The following CLASP2 variants were observed in gnomAD, a reference collection of about 807,000 sequenced individuals.
CLASP2 encodes the protein cytoplasmic linker associated protein 2, also known as CLIP-associating protein 2.
CLASP2 carries 47 observed loss-of-function variants against 194.4 expected under a neutral mutation model. That is an observed-to-expected ratio of 0.24 (90% confidence interval 0.19 to 0.31). CLASP2 has a LOEUF of 0.31. Among genes scored for constraint, CLASP2 ranks in the 10% least tolerant of loss-of-function variants. CLASP2 has a pLI of 1.00. For synonymous variants in CLASP2, 619 were observed against 633.5 expected, an observed-to-expected ratio of 0.98 and a Z score of 0.34; for missense variants, 1,445 against 1,823.6, an observed-to-expected ratio of 0.79 and a Z score of 3.78.
intron 36 of CLASP2, among the ~76,000 whole-genome samples, chr3:33,515,544 G>A (rs1483364926): frequency 2.0e-5 from 3 of 152,162 alleles, no homozygotes; most frequent in African/African-American, 7.2e-5. Context: ...CAGCTACTCG[G>A]GAAGCTGAGG....
chr3:33,607,429 T>C lies in CLASP2; in HGVS notation c.1481A>G (p.Lys494Arg). The C allele has an allele frequency of 1.2e-6, 2 of 1,610,444 alleles. No individual in the cohort carries two copies. The highest frequency in any genetic ancestry group is 1.7e-6 in the Non-Finnish European group (2 of 1,178,372). The change falls in exon 15 of 39, where the codon AAG becomes AGG. Residue 494 changes from lysine to arginine, a missense_variant. Coordinates refer to ENST00000682230, the MANE Select transcript of CLASP2 (RefSeq NM_001365631.1). ...HAAVLVETIK[K>R]GIHDADAEAR... ...CTCAGCGTCAGCATCATGAATTCCC[T>C]TTTTAATAGTTTCAACCAAGACGGC... is the stretch of plus-strand genomic sequence containing the variant.
chr3:33,667,863 C>T (rs1223159244), intron 6 of CLASP2, among the ~76,000 whole-genome samples: 1 of 152,028 alleles, frequency 6.6e-6, no homozygotes, highest in African/African-American at 2.4e-5. Context: ...TAGTACCATA[C>T]CACCAGAACT....
intron 34 of CLASP2, among the ~76,000 whole-genome samples, chr3:33,527,175 G>C (rs1051108532): frequency 6.6e-6 from 1 of 152,096 alleles, no homozygotes; most frequent in Non-Finnish European, 1.5e-5. Flanking sequence ...AAGATCAATG[G>C]ATTCAGGAGT....
chr3:33,670,289 G>A (rs2086913601), intron 6 of CLASP2, among the ~76,000 whole-genome samples: 1 of 152,180 alleles, frequency 6.6e-6, no homozygotes, highest in Non-Finnish European at 1.5e-5. Context: ...AAAAGGATTT[G>A]AAGTGGCTTC....
chr3:33,633,908 T>C (rs746172840), intron 8 of CLASP2, among the ~76,000 whole-genome samples: 2 of 152,186 alleles, frequency 1.3e-5, no homozygotes, highest in Non-Finnish European at 2.9e-5. Context: ...AACTAACATA[T>C]GTCTATTGGG....
At chr3:33,632,194 T>G in intron 9 of CLASP2, 98 bp downstream of exon 9, 1 of 684,312 alleles carries the variant, frequency 1.5e-6, no homozygotes, top group Non-Finnish European at 2.3e-6. Flanking sequence ...TATATAGCTA[T>G]ATAAGGAAAA....
chr3:33,518,580 T>C (rs1425114265), intron 34 of CLASP2, among the ~76,000 whole-genome samples: 1 of 152,196 alleles, frequency 6.6e-6, no homozygotes, highest in African/African-American at 2.4e-5. Context: ...GATGAATGTG[T>C]CTCTATAAAC....
chr3:33,514,816 G>GTA (rs1359867796), intron 36 of CLASP2: 1 of 135,138 alleles, frequency 7.4e-6, no homozygotes, highest in Non-Finnish European at 1.3e-5. Flanking sequence ...TTGTGTATAT[G>GTA]TATATACACA....
At chr3:33,671,398 G>A (rs931192213) in intron 6 of CLASP2, among the ~76,000 whole-genome samples, 3 of 152,288 alleles carry the variant, frequency 2.0e-5, no homozygotes, top group Non-Finnish European at 2.9e-5. Context: ...ACCAGATCCA[G>A]TTATGGAAGA....
At chr3:33,594,177 A>G (rs2069583369) in intron 20 of CLASP2, among the ~76,000 whole-genome samples, 1 of 152,202 alleles carries the variant, frequency 6.6e-6, no homozygotes, top group South Asian at 2.1e-4. Context: ...TTCCAATTTA[A>G]AACTTAAAAT....
intron 12 of CLASP2, among the ~76,000 whole-genome samples, chr3:33,617,977 T>C (rs2076486825): frequency 6.7e-6 from 1 of 148,292 alleles, no homozygotes; most frequent in East Asian, 2.0e-4. Flanking sequence ...AGATGGAGTT[T>C]CACTCTTGTT....
chr3:33,713,786 T>A (rs1409904777), intron 1 of CLASP2, among the ~76,000 whole-genome samples: 1 of 152,124 alleles, frequency 6.6e-6, no homozygotes, highest in Non-Finnish European at 1.5e-5. Context: ...TGGGCTAATT[T>A]TTTGGTAGAG....
chr3:33,655,605 AATGGTTGCTTTC>A (rs1238466348), intron 7 of CLASP2, among the ~76,000 whole-genome samples: 1 of 152,206 alleles, frequency 6.6e-6, no homozygotes, highest in African/African-American at 2.4e-5. Flanking sequence ...CAGTAAGTCA[AATGGTTGCTTTC>A]TTTCATTAAT....
At chr3:33,585,076 TA>T (rs1553800737) in intron 21 of CLASP2, among the ~76,000 whole-genome samples, 156 bp from the exon 22 acceptor site, 6 of 152,068 alleles carry the variant, frequency 3.9e-5, no homozygotes, top group Non-Finnish European at 8.8e-5. Flanking sequence ...GATTTAAATA[TA>T]ATTATAACCT....
Position 33,506,661 on chromosome 3 carries a change from G to A in CLASP2, c.4317+3897C>T, listed in dbSNP as rs576023786. ...TGCATCACTCCTTGAGTTAATTTCT[G>A]TATATGGTGTGAGGTAGGGGTTCAA... On this transcript the variant is annotated intron_variant, in intron 37 of 38. Transcript: ENST00000682230. Among the ~76,000 whole-genome samples the A allele has an allele frequency of 1.1e-3, 165 of 152,164 alleles. 1 individual carries two copies. Among genetic ancestry groups the A allele is most frequent in the South Asian group, 2.1e-3 (10 of 4,826 alleles).
chr3:33,612,202 A>T, intron 12 of CLASP2, 131 bp from the exon 13 acceptor site: 1 of 625,168 alleles, frequency 1.6e-6, no homozygotes, highest in Non-Finnish European at 2.8e-6. Context: ...GATTTGAAAG[A>T]AATTAAGACC....
intron 9 of CLASP2, among the ~76,000 whole-genome samples, chr3:33,628,662 C>G (rs112806514): frequency 0.018 from 2,712 of 152,124 alleles, 74 homozygotes; most frequent in African/African-American, 0.062. Flanking sequence ...AAGGGGGTGT[C>G]AGGTAAACAA....
At chr3:33,534,860 T>C (rs994565479) in intron 34 of CLASP2, among the ~76,000 whole-genome samples, 2 of 152,204 alleles carry the variant, frequency 1.3e-5, no homozygotes, top group African/African-American at 4.8e-5. Flanking sequence ...GACTTCATGC[T>C]TAAAGGGCTA....
intron 8 of CLASP2, among the ~76,000 whole-genome samples, chr3:33,640,585 T>C (rs2081101462): frequency 6.6e-6 from 1 of 152,138 alleles, no homozygotes; most frequent in Non-Finnish European, 1.5e-5. Context: ...GAATTGAAGA[T>C]TTGGTCAATG....
Sources: gnomAD v4.1 joint callset for allele counts (sites outside exome capture counted in the v4.1 genomes callset) on GRCh38, gnomAD v4.1.1 for gene constraint, MANE v1.5 for transcripts, NCBI Gene and HGNC (gene_info 2026-07-23, HGNC 2026-07-21) for gene names.